ARID3A: variants seen among roughly 807,000 people sequenced by gnomAD.
The protein encoded by ARID3A is AT-rich interactive domain-containing protein 3A.
Under a neutral mutation model 52.7 loss-of-function variants are expected in ARID3A, and 11 were observed. The ratio of observed to expected loss-of-function variants is 0.21; its 90% confidence interval spans 0.13 to 0.35. The LOEUF (loss-of-function observed/expected upper bound fraction) is 0.35. Among genes scored for constraint, ARID3A ranks in the 10% least tolerant of loss-of-function variants. ARID3A has a pLI of 1.00. For synonymous variants in ARID3A, 404 were observed against 359.4 expected (o/e 1.12, Z -1.40); for missense variants, 721 against 838.5 (o/e 0.86, Z 1.73).
chr19:928,177 G>T (rs1306768058), intron 1 of ARID3A: 1 of 152,570 alleles, frequency 6.6e-6, no homozygotes, highest in Non-Finnish European at 1.5e-5. Context: ...CCTGGGCCCA[G>T]CTGCCTCTCG....
Position 944,305 on chromosome 19 carries a change from C to T in ARID3A, c.693+11563C>T, listed in dbSNP as rs2037626288. On this transcript the variant is annotated intron_variant, in intron 3 of 8. Transcript: ENST00000263620. This position sits in a 1 kb window ranked among gnomAD's most constrained non-coding sequence, Gnocchi z 5.9. ...GCGTGTCTGCTCCCCGTGTGTCTGGCTGCAGGGGCGCGTCCAGGGGGTGTG... is the reference window on the plus strand; with the variant it reads ...GCGTGTCTGCTCCCCGTGTGTCTGGTTGCAGGGGCGCGTCCAGGGGGTGTG... Among the ~76,000 whole-genome samples, 1 of 151,808 alleles carries T rather than the reference C, an allele frequency of 6.6e-6. No individual in the cohort carries two copies. Among genetic ancestry groups the T allele is most frequent in the Admixed American group, 6.6e-5 (1 of 15,206 alleles).
chr19:929,578 C>T lies in ARID3A; in HGVS notation c.50C>T (p.Ala17Val), dbSNP rs762575709. Residue 17 changes from alanine to valine, a missense_variant, in exon 2 of 9, where the codon GCG becomes GTG. Transcript: ENST00000263620. This position sits in a 1 kb window ranked among gnomAD's most constrained non-coding sequence, Gnocchi z 6.2. ...METLLQRQQR[A>V]RQELEARQQL... The stretch of plus-strand genomic sequence containing the variant: ...ACGCTGTTGCAGCGGCAGCAGCGGG[C>T]GCGCCAGGAGCTGGAGGCCCGGCAG... 1.7e-5 allele frequency: 26 copies of T among 1,523,358 alleles called. No homozygotes were observed. The highest frequency in any genetic ancestry group is 7.0e-5 in the African/African-American group (5 of 71,140). 94.4% of individuals were successfully genotyped at this position (1,523,358 alleles called of 1,614,324 possible).
intron 3 of ARID3A, among the ~76,000 whole-genome samples, chr19:950,044 TG>T: frequency 6.8e-6 from 1 of 147,722 alleles, no homozygotes; most frequent in Non-Finnish European, 1.5e-5. Context: ...AACGGATGGA[TG>T]AGGCCGTCCC....
intron 3 of ARID3A, among the ~76,000 whole-genome samples, chr19:945,511 G>A (rs2037659509): frequency 6.6e-6 from 1 of 152,194 alleles, no homozygotes; most frequent in Admixed American, 6.5e-5. Flanking sequence ...AGCGGGCAGA[G>A]CCTTGAGTGA....
In ARID3A at chr19:938,102, C is replaced by A. The variant is rs2037473911; in HGVS notation, c.693+5360C>A. ...CAGGTGATCCTCACACCTCAGCGTCCCAGAGTGCTGGGATCACAGACGTGA... is the reference window on the plus strand; with the variant it reads ...CAGGTGATCCTCACACCTCAGCGTCACAGAGTGCTGGGATCACAGACGTGA... On this transcript the variant is annotated intron_variant, in intron 3 of 8. Transcript: ENST00000263620. The surrounding 1 kb of genome is among the most constrained non-coding windows in gnomAD (Gnocchi z 4.0). 6.6e-6 allele frequency among the ~76,000 whole-genome samples: 1 copy of A among 152,066 alleles called. No individual in the cohort carries two copies.
At position 933,102 on chromosome 19, in the gene ARID3A, C is replaced by T. The variant is rs528582559; in HGVS notation, c.693+360C>T. Among the ~76,000 whole-genome samples, 24 of 152,178 alleles carry T rather than the reference C, an allele frequency of 1.6e-4. No individual in the cohort carries two copies. In the East Asian group the frequency reaches 3.9e-3, roughly 25 times the overall value. On this transcript the variant is annotated intron_variant, in intron 3 of 8. Transcript: ENST00000263620. The stretch of plus-strand genomic sequence containing the variant: ...GGAGGAACCAGGCCTGCGGGCGATG[C>T]GGGCAGAGAGGCCGGGGCCTTGGTG...
intron 3 of ARID3A, among the ~76,000 whole-genome samples, chr19:948,953 C>T (rs1411628600): frequency 6.6e-6 from 1 of 152,104 alleles, no homozygotes; most frequent in Non-Finnish European, 1.5e-5. Flanking sequence ...AGGTGATCCG[C>T]CCGCCTCGGC....
chr19:955,276 G>A (rs1288513379), intron 3 of ARID3A, among the ~76,000 whole-genome samples: 2 of 152,202 alleles, frequency 1.3e-5, no homozygotes, highest in African/African-American at 2.4e-5. Context: ...ACAGGGGAGC[G>A]GAACCGGGGG....
chr19:934,278 C>T (rs1000843718), intron 3 of ARID3A, among the ~76,000 whole-genome samples: 6 of 152,146 alleles, frequency 3.9e-5, no homozygotes, highest in African/African-American at 7.2e-5. Flanking sequence ...CCTGGACACA[C>T]GCCCCGCCCA....
chr19:928,211 C>T (rs899298027), intron 1 of ARID3A: 1 of 152,370 alleles, frequency 6.6e-6, no homozygotes, highest in Non-Finnish European at 1.5e-5. Flanking sequence ...TTGCCCCCTC[C>T]GCTGTCCCCA....
intron 3 of ARID3A, among the ~76,000 whole-genome samples, chr19:949,421 C>T (rs2037759535): frequency 6.6e-6 from 1 of 152,116 alleles, no homozygotes; most frequent in Non-Finnish European, 1.5e-5. Flanking sequence ...GGGGTGCTGT[C>T]AGTGGATGGG....
intron 3 of ARID3A, among the ~76,000 whole-genome samples, chr19:933,386 G>A (rs1280209788): frequency 1.3e-5 from 2 of 152,162 alleles, no homozygotes; most frequent in African/African-American, 4.8e-5. Context: ...AAGTGGCCGG[G>A]CGGGGGATGC....
chr19:968,662 G>GTATCCTCTCCATC, intron 8 of ARID3A, 159 bp downstream of exon 8: 1 of 630,268 alleles, frequency 1.6e-6, no homozygotes, highest in Non-Finnish European at 2.8e-6. Context: ...AAGACTGATG[G>GTATCCTCTCCATC]AGAGGATACC....
intron 3 of ARID3A, among the ~76,000 whole-genome samples, chr19:954,617 G>A (rs559715606): frequency 3.3e-5 from 5 of 152,310 alleles, no homozygotes; most frequent in Admixed American, 1.3e-4. Context: ...GGGTCCAAGG[G>A]GGGCCGTGAG....
intron 3 of ARID3A, among the ~76,000 whole-genome samples, chr19:949,195 C>A (rs1185583801): frequency 7.2e-6 from 1 of 139,350 alleles, no homozygotes; most frequent in Non-Finnish European, 1.5e-5. Context: ...AGCAGGGCCC[C>A]AGGGGTGTGG....
intron 3 of ARID3A, among the ~76,000 whole-genome samples, chr19:950,374 C>T (rs1293766923): frequency 1.5e-5 from 1 of 67,130 alleles, no homozygotes; most frequent in Non-Finnish European, 3.5e-5. Context: ...GAGGCCGTCC[C>T]CAGAGGGAAT....
intron 3 of ARID3A, among the ~76,000 whole-genome samples, chr19:946,201 T>C (rs1215405088): frequency 6.6e-6 from 1 of 152,098 alleles, no homozygotes. Flanking sequence ...AGGAGAACAC[T>C]GGGTATTTCA....
At chr19:945,099 G>A (rs1198393289) in intron 3 of ARID3A, among the ~76,000 whole-genome samples, 2 of 152,196 alleles carry the variant, frequency 1.3e-5, no homozygotes, top group Admixed American at 1.3e-4. Context: ...CCTTGGACCT[G>A]GTTCTTGGGG....
chr19:969,153 A>T (rs1170123341), intron 8 of ARID3A, among the ~76,000 whole-genome samples: 1 of 152,064 alleles, frequency 6.6e-6, no homozygotes, highest in African/African-American at 2.4e-5. Flanking sequence ...GTGGGTACAT[A>T]GTAGGTATAT....
Sources: allele counts gnomAD v4.1 joint callset (sites outside exome capture counted in the v4.1 genomes callset), GRCh38; gene constraint gnomAD v4.1.1; non-coding constraint Gnocchi (gnomAD v3.1); transcripts MANE v1.5; gene names NCBI Gene and HGNC (gene_info 2026-07-23, HGNC 2026-07-21).